Variants in TLCD3A observed in about 807,000 individuals in gnomAD.
TLCD3A encodes TLC domain containing 3A, also known as TLC domain-containing protein 3A.
TLCD3A carries 17 observed loss-of-function variants against 29.9 expected under a neutral mutation model. The observed-to-expected ratio is 0.57, with a 90% CI of 0.39 to 0.85. The LOEUF is 0.85. Ranked by LOEUF, TLCD3A falls within the 40% of genes least tolerant of loss-of-function variation. The pLI is 0.00. For missense variants in TLCD3A, 332 were observed against 350.8 expected, an observed-to-expected ratio of 0.95 and a Z score of 0.43; for synonymous variants, 143 against 147.7, an observed-to-expected ratio of 0.97 and a Z score of 0.23.
chr17:732,874 G>C (rs1312015251), intron 1 of TLCD3A, 105 bp downstream of exon 1: 2 of 1,379,568 alleles, frequency 1.4e-6, no homozygotes, highest in South Asian at 1.6e-5. Flanking sequence ...GGAAGCCCGG[G>C]GGCTGCTCCC....
intron 2 of TLCD3A, among the ~76,000 whole-genome samples, chr17:735,888 T>C (rs1008661066): frequency 4.7e-5 from 7 of 148,918 alleles, no homozygotes; most frequent in Non-Finnish European, 7.4e-5. Context: ...GGCAGGAGAA[T>C]CGTTTGAACC....
chr17:742,897 CTTTT>C lies in TLCD3A; in HGVS notation c.*1334_*1337del, dbSNP rs201196821. On this transcript the variant is annotated 3_prime_UTR_variant, in exon 5 of 5. Transcript: ENST00000308278. ...AAACAAAATGCTATTTTTTAATTGT[CTTTT>C]TTTTTTAACTATCAGTGTATCTTTA... 8 of 149,344 alleles carry C rather than the reference CTTTT, an allele frequency of 5.4e-5. No homozygotes were observed. Among genetic ancestry groups the C allele is most frequent in the Non-Finnish European group, 8.9e-5 (6 of 67,058 alleles). 9.3% of individuals were successfully genotyped at this position (149,344 alleles called of 1,614,324 possible).
At chr17:737,661 T>C (rs1450110212) in intron 2 of TLCD3A, among the ~76,000 whole-genome samples, 185 bp from the exon 3 acceptor site, 1 of 152,186 alleles carries the variant, frequency 6.6e-6, no homozygotes, top group African/African-American at 2.4e-5. Context: ...CTTTTTGCCT[T>C]TGACACTCAC....
At chr17:733,047 C>T (rs1393500997) in intron 1 of TLCD3A, 51 bp from the exon 2 acceptor site, 4 of 1,531,544 alleles carry the variant, frequency 2.6e-6, no homozygotes, top group East Asian at 2.5e-5. Flanking sequence ...GGGCTCCCTG[C>T]GGTCCTCGGA....
intron 4 of TLCD3A, 117 bp from the exon 5 acceptor site, chr17:741,184 A>C: frequency 9.9e-7 from 1 of 1,009,984 alleles, no homozygotes; most frequent in Non-Finnish European, 1.5e-6. Context: ...CTGACAGCCA[A>C]GGTCTTGATG....
In TLCD3A at chr17:741,317, C is replaced by A; in HGVS notation, c.521C>A (p.Thr174Asn). 6.2e-7 allele frequency: 1 copy of A among 1,614,154 alleles called. No homozygotes were observed. Among genetic ancestry groups the A allele is most frequent in the Non-Finnish European group, 8.5e-7 (1 of 1,180,028 alleles). Residue 174 changes from threonine to asparagine, a missense_variant, in exon 5 of 5, where the codon ACC (threonine) becomes AAC (asparagine). By Grantham distance (65) the Thr-to-Asn change is moderately conservative. Transcript: ENST00000308278. ...RVLIQLKQQH[T>N]LLYKVNGILT... ...CTATTGCAGCTAAAGCAGCAGCACA[C>A]CCTTCTGTACAAGGTGAATGGAATC... is the stretch of plus-strand genomic sequence containing the variant.
chr17:741,230 A>C, intron 4 of TLCD3A, 71 bp from the exon 5 acceptor site: 2 of 1,525,814 alleles, frequency 1.3e-6, no homozygotes, highest in Non-Finnish European at 1.8e-6. Context: ...CTGTGGTGGG[A>C]CTTGGGCCCG....
At chr17:733,273 C>A in intron 2 of TLCD3A, 92 bp downstream of exon 2, 1 of 1,243,672 alleles carries the variant, frequency 8.0e-7, no homozygotes, top group Non-Finnish European at 1.1e-6. Flanking sequence ...AGAAAGCTGA[C>A]TAATGGGAAA....
chr17:732,719 C>T lies in TLCD3A; in HGVS notation c.72C>T (p.Arg24=). 6.9e-7 allele frequency: 1 copy of T among 1,441,570 alleles called. No homozygotes were observed. Among genetic ancestry groups the T allele is most frequent in the Non-Finnish European group, 9.1e-7 (1 of 1,098,464 alleles). 89.3% of individuals were successfully genotyped at this position (1,441,570 alleles called of 1,614,324 possible). ...TCGCGCTCTGCACCTGGGCGCTGCG[C>T]CGCTCCCAGCCCGGATGGAGCCGCA... ...GLFALCTWAL[R]RSQPGWSRTD... is the part of the protein sequence containing the mutation. The change falls in exon 1 of 5, where the codon CGC becomes CGT. Residue 24 remains arginine, a synonymous_variant. Coordinates refer to ENST00000308278, the MANE Select transcript of TLCD3A (RefSeq NM_024792.3).
In TLCD3A at chr17:736,791, G is replaced by A. The variant is rs1670993024; in HGVS notation, c.207-1055G>A. Among the ~76,000 whole-genome samples, 3 of 151,746 alleles carry A rather than the reference G, an allele frequency of 2.0e-5. No homozygotes were observed. The South Asian group carries it at 6.2e-4, about 32-fold the overall frequency. On this transcript the variant is annotated intron_variant, in intron 2 of 4. Coordinates refer to ENST00000308278, the MANE Select transcript of TLCD3A (RefSeq NM_024792.3). ...CTGCCTCAGCCTCCCAAGTAGCTGG[G>A]AGTACAGGTGCACACCACCATGCCC...
Position 733,119 on chromosome 17 carries a change from C to T in TLCD3A, c.144C>T (p.Ala48=), listed in dbSNP as rs1326213609. Residue 48 remains alanine, a synonymous_variant, in exon 2 of 5, where the codon GCC becomes GCT. Coordinates refer to ENST00000308278, the MANE Select transcript of TLCD3A (RefSeq NM_024792.3). ...CTAGGCTGGTTTCCTCGGTGCACGC[C>T]GTGCTGGCCACCGGCTCGGGGATCG... ...ISTRLVSSVH[A]VLATGSGIVI... 3 of 1,593,470 alleles carry T rather than the reference C, an allele frequency of 1.9e-6. No homozygotes were observed. The highest frequency in any genetic ancestry group is 1.1e-5 in the South Asian group (1 of 87,852).
At position 733,196 on chromosome 17, in the gene TLCD3A, C is replaced by T. The variant is rs1278105379; in HGVS notation, c.206+15C>T. On this transcript the variant is annotated intron_variant, in intron 2 of 4. Coordinates refer to ENST00000308278, the MANE Select transcript of TLCD3A (RefSeq NM_024792.3). ...ATCACCGGCAGGTAAGAGCCCGGGC[C>T]GGGGCCTTGTTGCAAATGTCACATT... 1.3e-5 allele frequency: 20 copies of T among 1,530,244 alleles called. No individual in the cohort carries two copies. Among genetic ancestry groups the T allele is most frequent in the Admixed American group, 1.0e-4 (5 of 49,070 alleles). 94.8% of individuals were successfully genotyped at this position (1,530,244 alleles called of 1,614,324 possible). A position where few individuals can be genotyped will look rare whatever the true frequency, so the allele number is the denominator to read the frequency against.
At chr17:737,799 T>C in intron 2 of TLCD3A, 47 bp from the exon 3 acceptor site, 2 of 1,557,772 alleles carry the variant, frequency 1.3e-6, no homozygotes, top group Non-Finnish European at 1.8e-6. Flanking sequence ...GCCTTCATAA[T>C]GGATATCCAC....
At chr17:735,012 T>C (rs1023002587) in intron 2 of TLCD3A, among the ~76,000 whole-genome samples, 1 of 148,926 alleles carries the variant, frequency 6.7e-6, no homozygotes, top group Non-Finnish European at 1.5e-5. Context: ...TTAAAAGGAC[T>C]CCCCCTCCCC....
In TLCD3A at chr17:732,597, AG is replaced by A. The variant is rs1974083197; in HGVS notation, c.-50del. 1.7e-6 allele frequency: 2 copies of A among 1,162,776 alleles called. No homozygotes were observed. Among genetic ancestry groups the A allele is most frequent in the Non-Finnish European group, 1.1e-6 (1 of 940,028 alleles). The allele number at this position is 1,162,776 out of a possible 1,614,324, so 72.0% of individuals were successfully genotyped here. On this transcript the variant is annotated 5_prime_UTR_variant, in exon 1 of 5. Transcript: ENST00000308278. ...CGCGCGGCCGGGCCGGGGCGCGCCG[AG>A]CCGAACCCAGCCACGCGGCGCCAGC... is the stretch of plus-strand genomic sequence containing the variant.
At chr17:735,943 C>T (rs1408352275) in intron 2 of TLCD3A, among the ~76,000 whole-genome samples, 1 of 148,540 alleles carries the variant, frequency 6.7e-6, no homozygotes, top group Non-Finnish European at 1.5e-5. Context: ...CCACTACATC[C>T]AGCCTGGGCG....
At chr17:732,926 C>A in intron 1 of TLCD3A, 157 bp downstream of exon 1, 1 of 1,361,320 alleles carries the variant, frequency 7.3e-7, no homozygotes, top group East Asian at 3.0e-5. Flanking sequence ...CCCTCCGCGT[C>A]CTCCCCTGGC....
At chr17:739,545 C>A (rs1457122656) in intron 3 of TLCD3A, among the ~76,000 whole-genome samples, 1 of 151,888 alleles carries the variant, frequency 6.6e-6, no homozygotes, top group Non-Finnish European at 1.5e-5. Flanking sequence ...CTTATGAGGC[C>A]CAGGCTGATC....
At chr17:736,876 G>C (rs189692794) in intron 2 of TLCD3A, among the ~76,000 whole-genome samples, 1 of 151,918 alleles carries the variant, frequency 6.6e-6, no homozygotes, top group Non-Finnish European at 1.5e-5. Context: ...GGCGAGTATC[G>C]AACTGCTGAC....
Sources: gnomAD v4.1 joint callset for allele counts (sites outside exome capture counted in the v4.1 genomes callset) on GRCh38, gnomAD v4.1.1 for gene constraint, MANE v1.5 for transcripts, NCBI Gene and HGNC (gene_info 2026-07-23, HGNC 2026-07-21) for gene names.